TENM4: variants seen among roughly 807,000 people sequenced by gnomAD.
TENM4 encodes teneurin-4.
In TENM4, 82 loss-of-function variants were observed where a neutral mutation model predicts 243.3. That is an observed-to-expected ratio of 0.34 (90% CI 0.28 to 0.40). The LOEUF is 0.40. Ranked by LOEUF, TENM4 falls within the 10% of genes least tolerant of loss-of-function variation. TENM4 has a pLI of 1.00. For missense variants in TENM4, 3,138 were observed against 3,673.3 expected, an observed-to-expected ratio of 0.85 and a Z score of 3.77; for synonymous variants, 1,412 against 1,456.3, an observed-to-expected ratio of 0.97 and a Z score of 0.69.
At chr11:78,983,248 T>C (rs1037863181) in intron 6 of TENM4, among the ~76,000 whole-genome samples, 1 of 152,234 alleles carries the variant, frequency 6.6e-6, no homozygotes, top group Non-Finnish European at 1.5e-5. Flanking sequence ...GCCATGCTTG[T>C]GTCAGGCCTT....
chr11:78,894,902 G>T (rs1855751363), intron 7 of TENM4, among the ~76,000 whole-genome samples: 2 of 150,662 alleles, frequency 1.3e-5, no homozygotes, highest in South Asian at 4.2e-4. Context: ...GCTGAGGTGG[G>T]AGGATCACCT....
intron 14 of TENM4, 116 bp from the exon 15 acceptor site, chr11:78,805,608 T>A (rs946719574): frequency 5.7e-5 from 71 of 1,244,638 alleles, no homozygotes; most frequent in Non-Finnish European, 7.2e-5. Flanking sequence ...GGCAGAAGGA[T>A]GCATAGGTCA....
At chr11:79,014,516 G>A (rs1858725465) in intron 6 of TENM4, 1 of 152,190 alleles carries the variant, frequency 6.6e-6, no homozygotes, top group African/African-American at 2.4e-5. Context: ...TCTCCTTAAT[G>A]TCTGCCTTCA....
intron 1 of TENM4, among the ~76,000 whole-genome samples, chr11:79,298,371 C>T (rs911100391): frequency 7.3e-5 from 11 of 151,052 alleles, no homozygotes; most frequent in Admixed American, 2.6e-4. Flanking sequence ...AAAAATTAGC[C>T]GGGCGCGGTG....
rs983790253 is a variant in TENM4 at position 78,757,432 on chromosome 11, A to C, written c.2540-411T>G. On this transcript the variant is annotated intron_variant, in intron 18 of 33. Transcript: ENST00000278550. ...CACACCAGGCTGGGCCTTGCAGGCC[A>C]AGTTAGGGAGTTTGAATTTCACCCT... 3.3e-5 allele frequency among the ~76,000 whole-genome samples: 5 copies of C among 152,240 alleles called. No homozygotes were observed. In the South Asian group the frequency reaches 1.0e-3, roughly 32 times the overall value.
rs753518649 is a variant in TENM4 at position 78,729,432 on chromosome 11, A to G, written c.3350T>C (p.Ile1117Thr). ...AAAPDLSYYFIWDKTDVYNQK... is the reference protein window; with the variant it reads ...AAAPDLSYYFTWDKTDVYNQK... ...GTTGTAGACGTCTGTCTTGTCCCAAATGAAATAATAGGACAGGTCTGGGGC... is the reference window on the plus strand; with the variant it reads ...GTTGTAGACGTCTGTCTTGTCCCAAGTGAAATAATAGGACAGGTCTGGGGC... The change falls in exon 22 of 34, where the codon ATT becomes ACT. Residue 1117 changes from isoleucine (I) to threonine (T), a missense_variant. Transcript: ENST00000278550. 2 of 1,598,826 alleles carry G rather than the reference A, an allele frequency of 1.3e-6. No individual in the cohort carries two copies. Among genetic ancestry groups the G allele is most frequent in the South Asian group, 2.2e-5 (2 of 89,082 alleles).
intron 4 of TENM4, among the ~76,000 whole-genome samples, chr11:79,091,336 G>C (rs1311135322): frequency 6.6e-6 from 1 of 151,992 alleles, no homozygotes; most frequent in East Asian, 1.9e-4. Context: ...GTCATAAATG[G>C]CTAATTTATT....
At chr11:79,113,853 C>A (rs982602243) in intron 4 of TENM4, among the ~76,000 whole-genome samples, 2 of 152,082 alleles carry the variant, frequency 1.3e-5, no homozygotes, top group African/African-American at 2.4e-5. Context: ...GGAAGGAGAC[C>A]AAGACTTGTG....
At chr11:79,060,695 C>T (rs1860063581) in intron 6 of TENM4, among the ~76,000 whole-genome samples, 2 of 152,210 alleles carry the variant, frequency 1.3e-5, no homozygotes, top group Admixed American at 6.5e-5. Context: ...ATAAGCTCTG[C>T]CAACTTGCTG....
chr11:78,916,919 A>C (rs1856329138), intron 6 of TENM4, among the ~76,000 whole-genome samples: 1 of 152,220 alleles, frequency 6.6e-6, no homozygotes, highest in African/African-American at 2.4e-5. Flanking sequence ...TCCCAATACA[A>C]GCTTCTGATT....
At chr11:79,367,430 C>G (rs572311382) in intron 1 of TENM4, among the ~76,000 whole-genome samples, 1 of 152,288 alleles carries the variant, frequency 6.6e-6, no homozygotes, top group Non-Finnish European at 1.5e-5. Context: ...CTTCTTTTCC[C>G]TCTCCAGGAG....
At chr11:79,058,543 CA>C (rs58082527) in intron 6 of TENM4, among the ~76,000 whole-genome samples, 227 of 102,620 alleles carry the variant, frequency 2.2e-3, no homozygotes, top group Admixed American at 4.7e-3. Flanking sequence ...GACTCCATCT[CA>C]AAAAAAAAAA....
chr11:79,421,492 C>T (rs770833706), intron 1 of TENM4, among the ~76,000 whole-genome samples: 38 of 152,252 alleles, frequency 2.5e-4, no homozygotes, highest in South Asian at 2.3e-3. Flanking sequence ...GAAACTATAA[C>T]GATGGGCACT....
At chr11:78,880,412 CA>C (rs1859400548) in intron 9 of TENM4, among the ~76,000 whole-genome samples, 3 of 146,866 alleles carry the variant, frequency 2.0e-5, no homozygotes, top group Admixed American at 2.0e-4. Context: ...ATGACCCTGC[CA>C]CATCCCCCTC....
At chr11:79,383,018 T>C (rs1858036842) in intron 1 of TENM4, among the ~76,000 whole-genome samples, 1 of 152,134 alleles carries the variant, frequency 6.6e-6, no homozygotes, top group East Asian at 1.9e-4. Context: ...CTTCCCTTCA[T>C]GAGTGTGCTG....
intron 12 of TENM4, among the ~76,000 whole-genome samples, chr11:78,814,988 T>C (rs1256097534): frequency 6.6e-6 from 1 of 152,186 alleles, no homozygotes; most frequent in African/African-American, 2.4e-5. Flanking sequence ...CAGCCTAAGT[T>C]ATTTCTTTGA....
chr11:78,764,355 A>G (rs932160367), intron 18 of TENM4, among the ~76,000 whole-genome samples: 2 of 152,234 alleles, frequency 1.3e-5, no homozygotes, highest in Non-Finnish European at 2.9e-5. Flanking sequence ...GTTAGGCACA[A>G]TTCCACAGTG....
chr11:78,964,976 T>A (rs1262308074), intron 6 of TENM4, among the ~76,000 whole-genome samples: 1 of 152,148 alleles, frequency 6.6e-6, no homozygotes. Context: ...CAAGAGATTC[T>A]CCTGCCTCAG....
At chr11:79,111,157 C>A (rs1375056360) in intron 4 of TENM4, among the ~76,000 whole-genome samples, 1 of 152,120 alleles carries the variant, frequency 6.6e-6, no homozygotes, top group Non-Finnish European at 1.5e-5. Context: ...CGCTTGCTCC[C>A]ATTCTCTCTT....
Sources: allele counts gnomAD v4.1 joint callset (sites outside exome capture counted in the v4.1 genomes callset), GRCh38; gene constraint gnomAD v4.1.1; transcripts MANE v1.5; gene names NCBI Gene and HGNC (gene_info 2026-07-23, HGNC 2026-07-21).